The following ALKBH5 variants were observed in gnomAD, a reference collection of about 807,000 sequenced individuals.
ALKBH5 encodes the protein alkB homolog 5, RNA demethylase.
ALKBH5 carries 2 observed loss-of-function variants against 32.1 expected under a neutral mutation model. The ratio of observed to expected loss-of-function variants is 0.06; its 90% CI spans 0.03 to 0.20. The LOEUF is 0.20. Ranked by LOEUF, ALKBH5 falls within the 10% of genes least tolerant of loss-of-function variation. The pLI, the probability that ALKBH5 is intolerant of heterozygous loss-of-function variation, is 1.00. For synonymous variants in ALKBH5, 300 were observed against 231.7 expected (o/e 1.29, Z -2.68); for missense variants, 352 against 559.5 (o/e 0.63, Z 3.74).
intron 2 of ALKBH5, among the ~76,000 whole-genome samples, chr17:18,195,907 A>G (rs962377220): frequency 6.6e-6 from 1 of 152,236 alleles, no homozygotes; most frequent in Non-Finnish European, 1.5e-5. Flanking sequence ...GGCTTGACCC[A>G]TAAAACTTGC....
intron 1 of ALKBH5, among the ~76,000 whole-genome samples, chr17:18,186,827 C>T (rs1359225499): frequency 6.6e-6 from 1 of 152,140 alleles, no homozygotes; most frequent in Non-Finnish European, 1.5e-5. Flanking sequence ...GCTTTGAATC[C>T]AGCTTTTCTC....
At chr17:18,196,075 T>A (rs775251454) in intron 2 of ALKBH5, among the ~76,000 whole-genome samples, 2 of 152,194 alleles carry the variant, frequency 1.3e-5, no homozygotes, top group Admixed American at 6.5e-5. Flanking sequence ...AGTCCATACT[T>A]TATTTAGATT....
intron 1 of ALKBH5, among the ~76,000 whole-genome samples, chr17:18,190,597 A>G (rs989952550): frequency 6.6e-6 from 1 of 151,176 alleles, no homozygotes; most frequent in African/African-American, 2.4e-5. Context: ...TTTAATTTGC[A>G]CCTAATCTTC....
chr17:18,189,715 C>T (rs75364952), intron 1 of ALKBH5, among the ~76,000 whole-genome samples: 3 of 152,220 alleles, frequency 2.0e-5, no homozygotes, highest in Non-Finnish European at 4.4e-5. Context: ...TTTTCCTCAT[C>T]TGCAAAACCA....
At chr17:18,188,251 C>T (rs546127718) in intron 1 of ALKBH5, among the ~76,000 whole-genome samples, 2 of 152,252 alleles carry the variant, frequency 1.3e-5, no homozygotes, top group East Asian at 3.8e-4. Flanking sequence ...AGAATAATTA[C>T]TTCAAGGCTA....
intron 1 of ALKBH5, among the ~76,000 whole-genome samples, chr17:18,192,796 ACT>A (rs1444856136): frequency 1.3e-5 from 2 of 151,070 alleles, no homozygotes; most frequent in African/African-American, 4.9e-5. Context: ...GCTTTTTGAA[ACT>A]CTAATCAGTA....
chr17:18,204,637 C>G (rs1177001268), intron 2 of ALKBH5, among the ~76,000 whole-genome samples: 1 of 152,042 alleles, frequency 6.6e-6, no homozygotes, highest in East Asian at 1.9e-4. Flanking sequence ...CAGCGGGTAC[C>G]TATAATCTCA....
intron 2 of ALKBH5, among the ~76,000 whole-genome samples, chr17:18,204,922 G>A (rs1438746754): frequency 2.0e-5 from 3 of 151,986 alleles, no homozygotes; most frequent in Non-Finnish European, 2.9e-5. Flanking sequence ...GCCGGGCATG[G>A]TGGCCCAGTC....
intron 2 of ALKBH5, among the ~76,000 whole-genome samples, chr17:18,197,122 A>G (rs2047208901): frequency 6.6e-6 from 1 of 152,188 alleles, no homozygotes; most frequent in African/African-American, 2.4e-5. Context: ...TGTTTTAACT[A>G]TAGTAGATGG....
intron 1 of ALKBH5, among the ~76,000 whole-genome samples, chr17:18,190,786 A>C (rs1472464844): frequency 1.3e-5 from 2 of 152,164 alleles, no homozygotes; most frequent in African/African-American, 4.8e-5. Context: ...TGGAATAGCA[A>C]AGAGGCATGA....
At chr17:18,204,994 G>C (rs1346158504) in intron 2 of ALKBH5, among the ~76,000 whole-genome samples, 1 of 152,026 alleles carries the variant, frequency 6.6e-6, no homozygotes, top group Admixed American at 6.6e-5. Context: ...AGGCTGCAGT[G>C]AGTTATGATC....
intron 2 of ALKBH5, among the ~76,000 whole-genome samples, chr17:18,202,103 C>T (rs1353335805): frequency 6.6e-6 from 1 of 151,634 alleles, no homozygotes; most frequent in Non-Finnish European, 1.5e-5. Flanking sequence ...GTCAGGAGAT[C>T]GAGACCATCC....
At chr17:18,202,263 G>C (rs1397257037) in intron 2 of ALKBH5, among the ~76,000 whole-genome samples, 2 of 151,952 alleles carry the variant, frequency 1.3e-5, no homozygotes, top group African/African-American at 4.8e-5. Flanking sequence ...AGCCGAGATC[G>C]CACCACAGCA....
rs1420219890 is a variant in ALKBH5, at chr17:18,208,234, G to A, written c.1023G>A (p.Glu341=). ...PDAAHRPRIL[E]MDKEENRRSV... Reference sequence around the variant, plus strand: ...TTCCTTGCAGGCCACGGATCCTGGAGATGGACAAGGAAGAGAACCGGCGCT... The same window carrying A: ...TTCCTTGCAGGCCACGGATCCTGGAAATGGACAAGGAAGAGAACCGGCGCT... Residue 341 remains glutamate, a synonymous_variant, in exon 4 of 4, where the codon GAG becomes GAA. Transcript: ENST00000399138. 1.9e-6 allele frequency: 3 copies of A among 1,608,200 alleles called. No individual in the cohort carries two copies. The highest frequency in any genetic ancestry group is 2.5e-6 in the Non-Finnish European group (3 of 1,176,898).
At position 18,208,257 on chromosome 17, in the gene ALKBH5, G is replaced by A. The variant is rs1339081895; in HGVS notation, c.1046G>A (p.Arg349His). The A allele has an allele frequency of 5.6e-6, 9 of 1,613,256 alleles. No individual in the cohort carries two copies. The highest frequency in any genetic ancestry group is 7.6e-6 in the Non-Finnish European group (9 of 1,179,640). The part of the protein sequence containing the change: ...ILEMDKEENR[R>H]SVLLPTHRRR... The stretch of plus-strand genomic sequence containing the variant: ...GAGATGGACAAGGAAGAGAACCGGC[G>A]CTCGGTGCTGCTGCCCACACACCGG... The change falls in exon 4 of 4, where the codon CGC (arginine) becomes CAC (histidine). Residue 349 changes from arginine (R) to histidine (H), a missense_variant. By Grantham distance (29) the Arg-to-His change is conservative. Around this residue, in one of 4 missense-constraint regions of ALKBH5, gnomAD observed 124 missense variants for 142.4 expected, o/e 0.87. Transcript: ENST00000399138.
chr17:18,198,235 G>C (rs569506581), intron 2 of ALKBH5, among the ~76,000 whole-genome samples: 2 of 152,208 alleles, frequency 1.3e-5, no homozygotes, highest in East Asian at 3.9e-4. Context: ...ACCCCTGTTT[G>C]GACTGTCACA....
intron 2 of ALKBH5, among the ~76,000 whole-genome samples, chr17:18,201,827 AGATAGATAGATGATAGATAGATT>A (rs1285533115): frequency 1.3e-4 from 13 of 101,078 alleles, no homozygotes; most frequent in African/African-American, 3.3e-4. Context: ...ATAGATAGAT[AGATAGATAGATGATAGATAGATT>A]GATTGATTGA....
At chr17:18,189,074 AT>A (rs2047157437) in intron 1 of ALKBH5, among the ~76,000 whole-genome samples, 1 of 151,492 alleles carries the variant, frequency 6.6e-6, no homozygotes, top group African/African-American at 2.4e-5. Flanking sequence ...CTCAAAAAAA[AT>A]AATAAAAAAA....
intron 2 of ALKBH5, among the ~76,000 whole-genome samples, chr17:18,201,055 CTG>C (rs2047233832): frequency 6.6e-6 from 1 of 152,146 alleles, no homozygotes; most frequent in Middle Eastern, 3.2e-3. Flanking sequence ...GCAGAGCAAT[CTG>C]AATGTGAGGC....
Sources: allele counts gnomAD v4.1 joint callset (sites outside exome capture counted in the v4.1 genomes callset), GRCh38; gene constraint gnomAD v4.1.1; regional missense constraint gnomAD v4.1.1; transcripts MANE v1.5; gene names NCBI Gene and HGNC (gene_info 2026-07-23, HGNC 2026-07-21).